Variants in GALNTL6 observed in about 807,000 individuals in gnomAD.
GALNTL6 encodes polypeptide N-acetylgalactosaminyltransferase-like 6.
Under a neutral mutation model 73.7 loss-of-function variants are expected in GALNTL6, and 46 were observed. The observed-to-expected ratio is 0.62, with a 90% CI of 0.49 to 0.80. GALNTL6 has a LOEUF of 0.80. Ranked by LOEUF, GALNTL6 falls within the 30% of genes least tolerant of loss-of-function variation. The pLI, the probability that GALNTL6 is intolerant of heterozygous loss-of-function variation, is 0.00. For synonymous variants in GALNTL6, 259 were observed against 263.7 expected, an observed-to-expected ratio of 0.98 and a Z score of 0.17; for missense variants, 604 against 755.0, an observed-to-expected ratio of 0.80 and a Z score of 2.34.
At chr4:171,838,143 G>A (rs2110837908) in intron 2 of GALNTL6, among the ~76,000 whole-genome samples, 1 of 135,352 alleles carries the variant, frequency 7.4e-6, no homozygotes, top group East Asian at 2.1e-4. Flanking sequence ...TATTTTTTGA[G>A]ACAGAGTTTC....
intron 2 of GALNTL6, among the ~76,000 whole-genome samples, chr4:172,048,315 T>A (rs552282024): frequency 6.6e-6 from 1 of 152,254 alleles, no homozygotes; most frequent in African/African-American, 2.4e-5. Context: ...AAAAAGGGAT[T>A]TATAGATACA....
intron 5 of GALNTL6, among the ~76,000 whole-genome samples, chr4:172,789,213 C>T (rs753366363): frequency 3.9e-5 from 6 of 152,104 alleles, no homozygotes; most frequent in African/African-American, 7.2e-5. Context: ...TCTGATTGGC[C>T]GGCTTCAAGT....
chr4:172,986,989 T>A (rs1185166707), intron 10 of GALNTL6, among the ~76,000 whole-genome samples: 1 of 152,162 alleles, frequency 6.6e-6, no homozygotes, highest in Non-Finnish European at 1.5e-5. Flanking sequence ...TAGAACATAT[T>A]TTTTTAATTA....
At chr4:172,281,757 G>C (rs1246346705) in intron 3 of GALNTL6, among the ~76,000 whole-genome samples, 1 of 151,986 alleles carries the variant, frequency 6.6e-6, no homozygotes, top group Non-Finnish European at 1.5e-5. Context: ...GCTCTCACCT[G>C]AATAATTCAG....
At chr4:172,006,594 A>G (rs113401805) in intron 2 of GALNTL6, among the ~76,000 whole-genome samples, 51 of 152,086 alleles carry the variant, frequency 3.4e-4, no homozygotes, top group South Asian at 1.2e-3. Flanking sequence ...GCTACCAAAC[A>G]CCAGCCTGAC....
chr4:172,992,712 C>G (rs960571815), intron 10 of GALNTL6, among the ~76,000 whole-genome samples: 1 of 152,146 alleles, frequency 6.6e-6, no homozygotes, highest in Non-Finnish European at 1.5e-5. Context: ...AAACGTCAGT[C>G]TTAGGTTTTA....
chr4:172,005,313 G>A (rs138779563), intron 2 of GALNTL6, among the ~76,000 whole-genome samples: 1,884 of 152,014 alleles, frequency 0.012, 31 homozygotes, highest in East Asian at 0.037. Flanking sequence ...TTTTTGTATA[G>A]ATGAGGTTTT....
At chr4:172,268,468 A>G (rs1738526691) in intron 3 of GALNTL6, among the ~76,000 whole-genome samples, 1 of 152,224 alleles carries the variant, frequency 6.6e-6, no homozygotes, top group Admixed American at 6.5e-5. Flanking sequence ...TTTATGCCAC[A>G]GGTGGACCAG....
intron 2 of GALNTL6, among the ~76,000 whole-genome samples, chr4:172,209,431 AG>A (rs1736253017): frequency 8.4e-6 from 1 of 118,368 alleles, no homozygotes; most frequent in African/African-American, 2.9e-5. Flanking sequence ...AGGAGGACCC[AG>A]GGTCTCTGGT....
chr4:172,893,359 T>C (rs1746150193), intron 8 of GALNTL6, among the ~76,000 whole-genome samples: 1 of 150,476 alleles, frequency 6.6e-6, no homozygotes. Context: ...GGGGGGGTCT[T>C]CCCCTTCTCA....
chr4:172,525,854 C>A (rs1402456613), intron 5 of GALNTL6, among the ~76,000 whole-genome samples: 1 of 152,034 alleles, frequency 6.6e-6, no homozygotes, highest in Non-Finnish European at 1.5e-5. Context: ...CAGAGCAAGA[C>A]CCTGTCCCAA....
chr4:172,651,357 T>C (rs1203489707), intron 5 of GALNTL6, among the ~76,000 whole-genome samples: 1 of 152,198 alleles, frequency 6.6e-6, no homozygotes, highest in African/African-American at 2.4e-5. Flanking sequence ...TGCAATTTTA[T>C]TGCAGTCAAA....
chr4:172,910,033 C>A (rs1238621192), intron 8 of GALNTL6, among the ~76,000 whole-genome samples: 1 of 151,572 alleles, frequency 6.6e-6, no homozygotes, highest in Non-Finnish European at 1.5e-5. Flanking sequence ...GTATATAGAA[C>A]AACTGTGCAA....
At chr4:172,245,829 G>A (rs1258604730) in intron 3 of GALNTL6, among the ~76,000 whole-genome samples, 1 of 152,122 alleles carries the variant, frequency 6.6e-6, no homozygotes, top group Non-Finnish European at 1.5e-5. Flanking sequence ...GAGCCTGATG[G>A]CAACACTTTC....
At chr4:172,954,864 G>A (rs942044145) in intron 10 of GALNTL6, among the ~76,000 whole-genome samples, 10 of 152,106 alleles carry the variant, frequency 6.6e-5, no homozygotes, top group African/African-American at 2.4e-4. Context: ...GTTTAGGAAA[G>A]AAGAAAATGG....
chr4:172,920,510 G>A (rs1427075636), intron 8 of GALNTL6, among the ~76,000 whole-genome samples: 1 of 152,060 alleles, frequency 6.6e-6, no homozygotes, highest in Non-Finnish European at 1.5e-5. Context: ...CTAGTCTTAA[G>A]AATTTTTTCA....
intron 7 of GALNTL6, among the ~76,000 whole-genome samples, chr4:172,829,151 G>A (rs139741261): frequency 1.3e-5 from 2 of 152,300 alleles, no homozygotes; most frequent in Non-Finnish European, 2.9e-5. Context: ...ACAGGACAAA[G>A]GCATGCAAGA....
At chr4:172,885,237 G>A (rs1379919143) in intron 8 of GALNTL6, among the ~76,000 whole-genome samples, 1 of 151,922 alleles carries the variant, frequency 6.6e-6, no homozygotes, top group Admixed American at 6.6e-5. Flanking sequence ...AACAGTATTA[G>A]TTCTTCCAAT....
At chr4:172,768,609 C>T (rs1047424213) in intron 5 of GALNTL6, among the ~76,000 whole-genome samples, 39 of 152,192 alleles carry the variant, frequency 2.6e-4, no homozygotes, top group African/African-American at 9.4e-4. Flanking sequence ...TATTTATAAA[C>T]ATTCCTGGAA....
Sources: allele counts gnomAD v4.1 joint callset (sites outside exome capture counted in the v4.1 genomes callset), GRCh38; gene constraint gnomAD v4.1.1; transcripts MANE v1.5; gene names NCBI Gene and HGNC (gene_info 2026-07-23, HGNC 2026-07-21).